Variants in ADAMTS2 observed in about 807,000 individuals in gnomAD.
ADAMTS2 encodes the protein ADAM metallopeptidase with thrombospondin type 1 motif 2, also known as A disintegrin and metalloproteinase with thrombospondin motifs 2.
Under a neutral mutation model 123.0 loss-of-function variants are expected in ADAMTS2, and 50 were observed. The ratio of observed to expected loss-of-function variants is 0.41; its 90% CI spans 0.32 to 0.51. The LOEUF (loss-of-function observed/expected upper bound fraction) is 0.51. ADAMTS2 is among the 20% of genes least tolerant of loss of function. The pLI, the probability that ADAMTS2 is intolerant of heterozygous loss-of-function variation, is 0.35. For synonymous variants in ADAMTS2, 678 were observed against 695.4 expected (o/e 0.98, Z 0.39); for missense variants, 1,494 against 1,705.2 (o/e 0.88, Z 2.18).
chr5:179,177,758 GA>G (rs199618123), intron 5 of ADAMTS2, among the ~76,000 whole-genome samples: 2 of 149,756 alleles, frequency 1.3e-5, no homozygotes, highest in African/African-American at 4.9e-5. Context: ...GGCAGTTAAG[GA>G]AAAAAAAAGA....
At chr5:179,161,034 G>A (rs1763583281) in intron 5 of ADAMTS2, among the ~76,000 whole-genome samples, 1 of 152,182 alleles carries the variant, frequency 6.6e-6, no homozygotes, top group African/African-American at 2.4e-5. Flanking sequence ...CATACAGCGT[G>A]AGCAGGAAAT....
At chr5:179,171,231 C>T (rs1763808515) in intron 5 of ADAMTS2, among the ~76,000 whole-genome samples, 1 of 152,192 alleles carries the variant, frequency 6.6e-6, no homozygotes, top group Non-Finnish European at 1.5e-5. Context: ...CTGTGTACTG[C>T]TGCTCCCAGG....
At chr5:179,121,640 A>G (rs368921302) in intron 21 of ADAMTS2, 21 bp downstream of exon 21, 12 of 1,587,086 alleles carry the variant, frequency 7.6e-6, no homozygotes, top group African/African-American at 1.3e-5. Flanking sequence ...GCAGAGGCAG[A>G]GTTATAAACG....
At chr5:179,316,049 T>C (rs996207463) in intron 2 of ADAMTS2, among the ~76,000 whole-genome samples, 1 of 152,146 alleles carries the variant, frequency 6.6e-6, no homozygotes, top group African/African-American at 2.4e-5. Flanking sequence ...CCCACGATAA[T>C]GAAACCTAAG....
intron 10 of ADAMTS2, among the ~76,000 whole-genome samples, chr5:179,144,448 G>A (rs756647868): frequency 6.6e-6 from 1 of 152,188 alleles, no homozygotes; most frequent in Non-Finnish European, 1.5e-5. Context: ...GTCACAGGAT[G>A]TAGAATAGCC....
chr5:179,135,839 G>A (rs1028649706), intron 13 of ADAMTS2, 70 bp downstream of exon 13: 10 of 1,605,380 alleles, frequency 6.2e-6, no homozygotes, highest in East Asian at 2.2e-5. Context: ...ACCCCGAAAA[G>A]GGGGAGGTCA....
intron 3 of ADAMTS2, among the ~76,000 whole-genome samples, chr5:179,220,205 A>C (rs1194797515): frequency 6.6e-6 from 1 of 152,154 alleles, no homozygotes; most frequent in Non-Finnish European, 1.5e-5. Context: ...TGAACTTCAG[A>C]ACAAAACGAA....
Position 179,158,058 on chromosome 5 carries a change from G to T in ADAMTS2, c.1132+665C>A, listed in dbSNP as rs1315034380. Among the ~76,000 whole-genome samples, 1 of 151,622 alleles carries T rather than the reference G, an allele frequency of 6.6e-6. No homozygotes were observed. Among genetic ancestry groups the T allele is most frequent in the African/African-American group, 2.4e-5 (1 of 41,292 alleles). ...CGACTCATTGCAAACTCCGCCTCCC[G>T]GGTTCACACCATTCTCCTGCCTCAG... is the stretch of plus-strand genomic sequence containing the variant. On this transcript the variant is annotated intron_variant, in intron 6 of 21. Transcript: ENST00000251582. This position sits in a 1 kb window ranked among gnomAD's most constrained non-coding sequence, Gnocchi z 5.0.
intron 17 of ADAMTS2, among the ~76,000 whole-genome samples, 179 bp downstream of exon 17, chr5:179,127,780 C>G (rs990350223): frequency 1.3e-5 from 2 of 152,020 alleles, no homozygotes; most frequent in African/African-American, 4.8e-5. Flanking sequence ...TGCCCCAGCA[C>G]CCCCCTTCCT....
intron 2 of ADAMTS2, among the ~76,000 whole-genome samples, chr5:179,339,719 C>T (rs1757713424): frequency 6.6e-6 from 1 of 152,166 alleles, no homozygotes; most frequent in Non-Finnish European, 1.5e-5. Flanking sequence ...GCGATCCAGG[C>T]AGTGCCAAGG....
rs1319611461 is a variant in ADAMTS2 at position 179,317,991 on chromosome 5, G to A, written c.534+25776C>T. ...AGGAACGGGCAGTGATGAATCTGAAGCCCTGCTGGTCAGCAGAGCCTCCAC... is the reference window on the plus strand; with the variant it reads ...AGGAACGGGCAGTGATGAATCTGAAACCCTGCTGGTCAGCAGAGCCTCCAC... On this transcript the variant is annotated intron_variant, in intron 2 of 21. Transcript: ENST00000251582. The surrounding 1 kb of genome is among the most constrained non-coding windows in gnomAD (Gnocchi z 4.9). 9.2e-5 allele frequency among the ~76,000 whole-genome samples: 14 copies of A among 152,182 alleles called. No individual in the cohort carries two copies. The highest frequency in any genetic ancestry group is 9.2e-4 in the Admixed American group (14 of 15,282).
At chr5:179,341,621 G>A (rs1213577477) in intron 2 of ADAMTS2, among the ~76,000 whole-genome samples, 1 of 151,752 alleles carries the variant, frequency 6.6e-6, no homozygotes, top group Non-Finnish European at 1.5e-5. Flanking sequence ...GCTGAGGCAG[G>A]AGAATGGCGT....
chr5:179,184,509 T>TCAAAAAAAAAAAAAAAAA (rs1290290563), intron 4 of ADAMTS2, among the ~76,000 whole-genome samples: 8 of 91,414 alleles, frequency 8.8e-5, no homozygotes, highest in African/African-American at 3.7e-4. Flanking sequence ...AGACTCTGTC[T>TCAAAAAAAAAAAAAAAAA]AAAAAAAAAA....
intron 4 of ADAMTS2, among the ~76,000 whole-genome samples, chr5:179,199,011 C>T (rs561736385): frequency 9.1e-4 from 138 of 152,162 alleles, no homozygotes; most frequent in Middle Eastern, 6.8e-3. Context: ...CCACAGAGAA[C>T]GGGAGTCTGA....
chr5:179,288,402 C>T (rs1405093672), intron 2 of ADAMTS2, among the ~76,000 whole-genome samples: 1 of 152,236 alleles, frequency 6.6e-6, no homozygotes, highest in African/African-American at 2.4e-5. Context: ...TACCATCTGA[C>T]GAAGGATCCT....
At chr5:179,124,592 T>C (rs1173691206) in intron 19 of ADAMTS2, among the ~76,000 whole-genome samples, 1 of 152,190 alleles carries the variant, frequency 6.6e-6, no homozygotes, top group Admixed American at 6.5e-5. Flanking sequence ...ACTGGTTTCT[T>C]AGTACAGCAC....
intron 2 of ADAMTS2, among the ~76,000 whole-genome samples, chr5:179,276,348 T>C (rs1346423656): frequency 2.6e-5 from 4 of 152,174 alleles, no homozygotes; most frequent in Non-Finnish European, 5.9e-5. Context: ...ATCCATCTTA[T>C]GACTGAAACT....
rs746971894 is a variant in ADAMTS2, at chr5:179,207,664, T to A, written c.740A>T (p.Glu247Val). ...DSLSRALGVL[E>V]EHANSSRRRA... ...CCGCCTCGAGCTGTTGGCGTGCTCC[T>A]CTAGGACGCCCAGGGCGCGGCTGAG... The change falls in exon 4 of 22, where the codon GAG becomes GTG. Residue 247 changes from glutamate (E) to valine (V), a missense_variant. By Grantham distance (121) the Glu-to-Val change is moderately radical. Coordinates refer to ENST00000251582, the MANE Select transcript of ADAMTS2 (RefSeq NM_014244.5). The A allele has an allele frequency of 1.9e-6, 3 of 1,613,556 alleles. No homozygotes were observed. The South Asian group carries it at 3.3e-5, about 18-fold the overall frequency.
chr5:179,176,250 C>T (rs921051803), intron 5 of ADAMTS2, among the ~76,000 whole-genome samples: 8 of 152,100 alleles, frequency 5.3e-5, no homozygotes, highest in Non-Finnish European at 7.4e-5. Context: ...GCTACGGGGC[C>T]GTCACGCCCT....
Sources: gnomAD v4.1 joint callset for allele counts (sites outside exome capture counted in the v4.1 genomes callset) on GRCh38, gnomAD v4.1.1 for gene constraint, Gnocchi (gnomAD v3.1) non-coding constraint, MANE v1.5 for transcripts, NCBI Gene and HGNC (gene_info 2026-07-23, HGNC 2026-07-21) for gene names.